Variants in TMEM132C observed in about 807,000 individuals in gnomAD.
TMEM132C encodes the protein protein phosphatase 1, regulatory subunit 152.
A neutral mutation model predicts 61.4 loss-of-function variants in TMEM132C; 29 were observed. The observed-to-expected ratio is 0.47, with a 90% CI of 0.35 to 0.64. TMEM132C has a LOEUF of 0.64. Ranked by LOEUF, TMEM132C falls within the 30% of genes least tolerant of loss-of-function variation. The pLI, the probability that TMEM132C is intolerant of heterozygous loss-of-function variation, is 0.00. For synonymous variants in TMEM132C, 656 were observed against 633.1 expected (o/e 1.04, Z -0.54); for missense variants, 1,408 against 1,476.9 (o/e 0.95, Z 0.76).
At chr12:128,529,469 C>A (rs1286766988) in intron 2 of TMEM132C, among the ~76,000 whole-genome samples, 1 of 152,128 alleles carries the variant, frequency 6.6e-6, no homozygotes, top group Non-Finnish European at 1.5e-5. Context: ...GGAGACACTT[C>A]TTTTTCTATT....
intron 2 of TMEM132C, among the ~76,000 whole-genome samples, chr12:128,478,192 A>G (rs764423373): frequency 1.2e-4 from 19 of 152,230 alleles, no homozygotes; most frequent in Admixed American, 1.0e-3. Context: ...CCACATGCAG[A>G]TAGACGCGTA....
chr12:128,279,452 T>C (rs1870810750), intron 1 of TMEM132C, among the ~76,000 whole-genome samples: 1 of 152,178 alleles, frequency 6.6e-6, no homozygotes, highest in South Asian at 2.1e-4. Flanking sequence ...CCAAATTCTC[T>C]AGTGTCTCCC....
At chr12:128,543,935 T>G in intron 2 of TMEM132C, 22 bp from the exon 3 acceptor site, 1 of 1,541,210 alleles carries the variant, frequency 6.5e-7, no homozygotes, top group South Asian at 1.2e-5. Context: ...TCTCTCTCTC[T>G]CTCCCATCTT....
At chr12:128,591,138 C>T (rs899091397) in intron 3 of TMEM132C, among the ~76,000 whole-genome samples, 5 of 152,152 alleles carry the variant, frequency 3.3e-5, no homozygotes, top group African/African-American at 1.2e-4. Flanking sequence ...ACACAGTTTG[C>T]CCATTTAAAA....
intron 2 of TMEM132C, among the ~76,000 whole-genome samples, chr12:128,489,453 T>A (rs558771297): frequency 5.5e-4 from 84 of 151,554 alleles, no homozygotes; most frequent in African/African-American, 1.9e-3. Context: ...TACCGTGATG[T>A]CTGTGAGATG....
intron 1 of TMEM132C, among the ~76,000 whole-genome samples, chr12:128,372,838 G>A (rs374008055): frequency 9.2e-5 from 14 of 151,880 alleles, no homozygotes; most frequent in Non-Finnish European, 8.8e-5. Flanking sequence ...ACATGCTTAC[G>A]TTCTAGAAAC....
At chr12:128,538,116 G>A (rs1427156859) in intron 2 of TMEM132C, among the ~76,000 whole-genome samples, 1 of 110,206 alleles carries the variant, frequency 9.1e-6, no homozygotes, top group African/African-American at 2.6e-5. Context: ...AGTACTAGTG[G>A]TGGTAGTAGT....
chr12:128,442,216 A>C (rs970788645), intron 2 of TMEM132C, among the ~76,000 whole-genome samples: 1 of 152,082 alleles, frequency 6.6e-6, no homozygotes, highest in African/African-American at 2.4e-5. Flanking sequence ...TCCCCTCCAG[A>C]AGTAAGAACT....
intron 2 of TMEM132C, among the ~76,000 whole-genome samples, chr12:128,449,588 C>T (rs2136056249): frequency 6.6e-6 from 1 of 152,264 alleles, no homozygotes; most frequent in South Asian, 2.1e-4. Context: ...ATCATAATTC[C>T]ATTATGAAGG....
At chr12:128,663,685 G>A (rs552329816) in intron 4 of TMEM132C, among the ~76,000 whole-genome samples, 3 of 149,090 alleles carry the variant, frequency 2.0e-5, no homozygotes, top group Non-Finnish European at 2.9e-5. Flanking sequence ...CTATGTATAG[G>A]TACGTGTGCC....
At chr12:128,548,392 A>G (rs990781824) in intron 3 of TMEM132C, among the ~76,000 whole-genome samples, 2 of 152,198 alleles carry the variant, frequency 1.3e-5, no homozygotes, top group Admixed American at 6.5e-5. Context: ...AAAATCTCCA[A>G]TTAGCCATAG....
intron 2 of TMEM132C, among the ~76,000 whole-genome samples, chr12:128,451,744 G>GA (rs1455046319): frequency 6.6e-6 from 1 of 152,072 alleles, no homozygotes; most frequent in Non-Finnish European, 1.5e-5. Context: ...GGGTGAGTTT[G>GA]AGGCTTTGTG....
chr12:128,529,416 A>G (rs4357765), intron 2 of TMEM132C, among the ~76,000 whole-genome samples: 15,591 of 152,192 alleles, frequency 0.1, 2,224 homozygotes, highest in East Asian at 0.31. Context: ...CTATAAGACA[A>G]GTGACTTAGT....
intron 3 of TMEM132C, among the ~76,000 whole-genome samples, chr12:128,611,967 A>G (rs771110419): frequency 6.6e-6 from 1 of 152,230 alleles, no homozygotes; most frequent in African/African-American, 2.4e-5. Context: ...CATTTTCTTC[A>G]ACTTAGACAA....
intron 2 of TMEM132C, among the ~76,000 whole-genome samples, chr12:128,461,998 T>C (rs1012450703): frequency 6.6e-6 from 1 of 152,228 alleles, no homozygotes; most frequent in Admixed American, 6.5e-5. Context: ...ATTTTCTGTG[T>C]GTTCAGCAGA....
At chr12:128,402,495 CAT>C (rs1565925461) in intron 1 of TMEM132C, among the ~76,000 whole-genome samples, 1 of 152,146 alleles carries the variant, frequency 6.6e-6, no homozygotes, top group African/African-American at 2.4e-5. Flanking sequence ...AGAAAAAATA[CAT>C]ATGTGTTGTT....
intron 1 of TMEM132C, among the ~76,000 whole-genome samples, chr12:128,268,526 A>G (rs1434062515): frequency 6.6e-6 from 1 of 151,778 alleles, no homozygotes; most frequent in Non-Finnish European, 1.5e-5. Context: ...GCCCTGGCGA[A>G]GGTCTCGGGT....
chr12:128,369,438 C>T (rs537051562), intron 1 of TMEM132C, among the ~76,000 whole-genome samples: 3 of 152,198 alleles, frequency 2.0e-5, no homozygotes, highest in Non-Finnish European at 4.4e-5. Flanking sequence ...GTTCTGTGAT[C>T]ATTCCCATTT....
rs570368468 is a variant in TMEM132C at position 128,705,220 on chromosome 12, G to A, written c.2252G>A (p.Arg751His). The A allele has an allele frequency of 4.6e-5, 71 of 1,551,636 alleles. No homozygotes were observed. The African/African-American group carries it at 5.6e-4, about 12-fold the overall frequency. ...DEAVVSVPQP[R>H]SPRWPVVVAE... is the part of the protein sequence containing the mutation. ...GCTGTCGTGTCAGTCCCCCAGCCCCGCTCTCCCAGGTGGCCCGTTGTGGTG... is the reference window on the plus strand; with the variant it reads ...GCTGTCGTGTCAGTCCCCCAGCCCCACTCTCCCAGGTGGCCCGTTGTGGTG... Residue 751 changes from arginine to histidine, a missense_variant, in exon 9 of 9, where the codon CGC becomes CAC. Physicochemically the swap from Arg to His is conservative, Grantham distance 29. Transcript: ENST00000435159.
Sources: gnomAD v4.1 joint callset for allele counts (sites outside exome capture counted in the v4.1 genomes callset) on GRCh38, gnomAD v4.1.1 for gene constraint, MANE v1.5 for transcripts, NCBI Gene and HGNC (gene_info 2026-07-23, HGNC 2026-07-21) for gene names.